Variants in ATRNL1 observed in about 807,000 individuals in gnomAD.
ATRNL1 encodes attractin-like protein 1.
ATRNL1 carries 95 observed loss-of-function variants against 182.7 expected under a neutral mutation model. The ratio of observed to expected loss-of-function variants is 0.52; its 90% CI spans 0.44 to 0.62. The LOEUF is 0.62. Among genes scored for constraint, ATRNL1 ranks in the 20% least tolerant of loss-of-function variants. The pLI, the probability that ATRNL1 is intolerant of heterozygous loss-of-function variation, is 0.00. For synonymous variants in ATRNL1, 576 were observed against 568.3 expected, an observed-to-expected ratio of 1.01 and a Z score of -0.19; for missense variants, 1,471 against 1,679.5, an observed-to-expected ratio of 0.88 and a Z score of 2.17.
intron 24 of ATRNL1, among the ~76,000 whole-genome samples, chr10:115,477,368 A>C (rs1848583003): frequency 6.6e-6 from 1 of 151,608 alleles, no homozygotes; most frequent in South Asian, 2.1e-4. Flanking sequence ...TCATTCCAAC[A>C]GTTTTCAGTC....
chr10:115,828,779 C>T (rs1214050899), intron 27 of ATRNL1, among the ~76,000 whole-genome samples: 2 of 152,114 alleles, frequency 1.3e-5, no homozygotes, highest in Non-Finnish European at 2.9e-5. Context: ...TTCACCACCT[C>T]GATCTAGTCT....
Position 115,393,417 on chromosome 10 carries a change from A to C in ATRNL1, c.3176-1242A>C, listed in dbSNP as rs534282233. Among the ~76,000 whole-genome samples the C allele has an allele frequency of 8.5e-5, 13 of 152,314 alleles. No individual in the cohort carries two copies. The East Asian group carries it at 2.3e-3, about 27-fold the overall frequency. ...TTACTATTGATACTGGAAGAAAAATAATGAAAAAGTTGAACATTGGGAAAT... is the reference window on the plus strand; with the variant it reads ...TTACTATTGATACTGGAAGAAAAATCATGAAAAAGTTGAACATTGGGAAAT... On this transcript the variant is annotated intron_variant, in intron 19 of 28. Transcript: ENST00000355044.
rs1380286653 is a variant in ATRNL1, at chr10:115,303,959, T to C, written c.2818+1916T>C. Among the ~76,000 whole-genome samples the C allele has an allele frequency of 1.1e-4, 17 of 152,174 alleles. 1 individual carries two copies. Among genetic ancestry groups the C allele is most frequent in the Admixed American group, 1.1e-3 (17 of 15,274 alleles). On this transcript the variant is annotated intron_variant, in intron 17 of 28. Transcript: ENST00000355044. Reference sequence around the variant, plus strand: ...ACAGGAATTCTCTCCAGGGGATCTTTATCCCGATTCTAATTCCTTTCTCCT... The same window carrying C: ...ACAGGAATTCTCTCCAGGGGATCTTCATCCCGATTCTAATTCCTTTCTCCT...
intron 27 of ATRNL1, among the ~76,000 whole-genome samples, chr10:115,781,391 AC>A (rs1373612969): frequency 4.6e-5 from 7 of 152,238 alleles, no homozygotes; most frequent in African/African-American, 1.2e-4. Context: ...ACCAAAAAAA[AC>A]ATGTACAAGA....
chr10:115,554,496 C>A (rs1554996516), intron 26 of ATRNL1, among the ~76,000 whole-genome samples: 2 of 151,466 alleles, frequency 1.3e-5, no homozygotes, highest in Non-Finnish European at 1.5e-5. Context: ...CTCAGTTCAA[C>A]AAAGGTGTAT....
intron 27 of ATRNL1, among the ~76,000 whole-genome samples, chr10:115,840,868 A>G (rs955928194): frequency 6.6e-6 from 1 of 152,040 alleles, no homozygotes; most frequent in Non-Finnish European, 1.5e-5. Flanking sequence ...AAGTCTGGGC[A>G]TGAGCAAGAT....
At chr10:115,573,574 C>T (rs772579955) in intron 26 of ATRNL1, among the ~76,000 whole-genome samples, 26 of 152,002 alleles carry the variant, frequency 1.7e-4, no homozygotes, top group African/African-American at 3.4e-4. Flanking sequence ...GGGTCTTTGC[C>T]GGGGAACCGC....
chr10:115,823,587 A>G (rs1390852668), intron 27 of ATRNL1, among the ~76,000 whole-genome samples: 3 of 152,220 alleles, frequency 2.0e-5, no homozygotes, highest in African/African-American at 7.2e-5. Context: ...AAGTCTCAAG[A>G]TACAAAATAA....
intron 24 of ATRNL1, among the ~76,000 whole-genome samples, chr10:115,477,734 T>G (rs897452972): frequency 1.3e-5 from 2 of 151,688 alleles, no homozygotes; most frequent in Non-Finnish European, 3.0e-5. Context: ...GATAGAAGCA[T>G]ATTAATATCT....
At chr10:115,201,838 C>T (rs1405779253) in intron 8 of ATRNL1, among the ~76,000 whole-genome samples, 10 of 152,274 alleles carry the variant, frequency 6.6e-5, no homozygotes, top group African/African-American at 7.2e-5. Flanking sequence ...GCCATTTTCA[C>T]GATATTGATT....
At chr10:115,398,157 A>C (rs1554956084) in intron 20 of ATRNL1, among the ~76,000 whole-genome samples, 1 of 151,864 alleles carries the variant, frequency 6.6e-6, no homozygotes, top group African/African-American at 2.4e-5. Flanking sequence ...TGCTCAGGTA[A>C]AAAAAATGAA....
chr10:115,340,982 T>G (rs1198692510), intron 19 of ATRNL1, among the ~76,000 whole-genome samples: 1 of 152,026 alleles, frequency 6.6e-6, no homozygotes, highest in Non-Finnish European at 1.5e-5. Context: ...ATCAACCTTT[T>G]GTTTCATCAG....
intron 27 of ATRNL1, among the ~76,000 whole-genome samples, chr10:115,813,314 T>C (rs1159045136): frequency 5.9e-5 from 9 of 152,174 alleles, no homozygotes; most frequent in Admixed American, 5.9e-4. Context: ...TTATGTATAG[T>C]CTGTCCAACT....
chr10:115,564,694 C>T (rs1333058679), intron 26 of ATRNL1, among the ~76,000 whole-genome samples: 5 of 151,944 alleles, frequency 3.3e-5, no homozygotes, highest in Admixed American at 1.3e-4. Flanking sequence ...GCATTACCCA[C>T]CCACTCAATT....
chr10:115,171,002 A>G (rs782812123), intron 7 of ATRNL1, 35 bp from the exon 8 acceptor site: 2 of 1,225,982 alleles, frequency 1.6e-6, no homozygotes, highest in East Asian at 2.7e-5. Flanking sequence ...ATATAACATT[A>G]TTTTATCTAT....
chr10:115,479,219 T>C (rs1223313326), intron 24 of ATRNL1, among the ~76,000 whole-genome samples: 3 of 151,690 alleles, frequency 2.0e-5, no homozygotes, highest in African/African-American at 7.2e-5. Context: ...TAGAAGTTTT[T>C]TCTTTTACTG....
chr10:115,357,212 G>T (rs1274286096), intron 19 of ATRNL1, among the ~76,000 whole-genome samples: 3 of 151,712 alleles, frequency 2.0e-5, no homozygotes, highest in African/African-American at 7.3e-5. Flanking sequence ...CTAGGGTGAA[G>T]AAAAGATAAA....
At chr10:115,391,816 G>A (rs972784844) in intron 19 of ATRNL1, among the ~76,000 whole-genome samples, 1 of 151,694 alleles carries the variant, frequency 6.6e-6, no homozygotes, top group African/African-American at 2.4e-5. Flanking sequence ...CAGATATATG[G>A]GGGTTTTAGT....
At chr10:115,284,985 C>T (rs1367364054) in intron 14 of ATRNL1, among the ~76,000 whole-genome samples, 1 of 152,138 alleles carries the variant, frequency 6.6e-6, no homozygotes, top group African/African-American at 2.4e-5. Context: ...TATCCCTGAT[C>T]TCTCTGCCTA....
Sources: allele counts gnomAD v4.1 joint callset (sites outside exome capture counted in the v4.1 genomes callset), GRCh38; gene constraint gnomAD v4.1.1; transcripts MANE v1.5; gene names NCBI Gene and HGNC (gene_info 2026-07-23, HGNC 2026-07-21).